TMEM131L: variants seen among roughly 807,000 people sequenced by gnomAD.
TMEM131L encodes the protein transmembrane protein 131-like.
TMEM131L carries 54 observed loss-of-function variants against 192.2 expected under a neutral mutation model. That is an observed-to-expected ratio of 0.28 (90% CI 0.23 to 0.35). TMEM131L has a LOEUF of 0.35. TMEM131L is among the 10% of genes least tolerant of loss of function. The pLI is 1.00. For missense variants in TMEM131L, 1,888 were observed against 1,972.9 expected, an observed-to-expected ratio of 0.96 and a Z score of 0.82; for synonymous variants, 701 against 704.9, an observed-to-expected ratio of 0.99 and a Z score of 0.09.
chr4:153,565,175 T>C (rs1438476896), intron 7 of TMEM131L, among the ~76,000 whole-genome samples: 1 of 152,212 alleles, frequency 6.6e-6, no homozygotes, highest in Non-Finnish European at 1.5e-5. Context: ...TGCTCTTCCA[T>C]GAAGCTCTGC....
Position 153,497,626 on chromosome 4 carries a change from G to A in TMEM131L, c.239+23738G>A, listed in dbSNP as rs150533232. On this transcript the variant is annotated intron_variant, in intron 3 of 34. Transcript: ENST00000409959. The stretch of plus-strand genomic sequence containing the variant: ...TTGTAGTCTGCATTTCAGGTAAAGC[G>A]TTTTCCATGTTGGAGGTCAAATCCC... 9.9e-5 allele frequency among the ~76,000 whole-genome samples: 15 copies of A among 152,180 alleles called. No individual in the cohort carries two copies. In the East Asian group the frequency reaches 2.5e-3, roughly 25 times the overall value.
intron 25 of TMEM131L, among the ~76,000 whole-genome samples, chr4:153,604,902 AC>A (rs1323527106): frequency 2.6e-5 from 4 of 152,086 alleles, no homozygotes; most frequent in Non-Finnish European, 5.9e-5. Flanking sequence ...ACGAAGTTTC[AC>A]CATGTTGGCC....
chr4:153,612,789 G>C (rs1301543223), intron 26 of TMEM131L, among the ~76,000 whole-genome samples: 1 of 151,980 alleles, frequency 6.6e-6, no homozygotes, highest in African/African-American at 2.4e-5. Flanking sequence ...ATCGTCTTCT[G>C]TCTAAAAGAT....
chr4:153,633,978 C>T (rs1268955814), intron 32 of TMEM131L, among the ~76,000 whole-genome samples: 2 of 152,196 alleles, frequency 1.3e-5, no homozygotes, highest in African/African-American at 4.8e-5. Context: ...CAAGTGTGCT[C>T]CTAGTCCAGC....
intron 2 of TMEM131L, among the ~76,000 whole-genome samples, chr4:153,469,865 A>T (rs1731028976): frequency 6.6e-6 from 1 of 152,060 alleles, no homozygotes; most frequent in South Asian, 2.1e-4. Context: ...GGCGGAGGTT[A>T]CAGTGAGCTG....
In TMEM131L at chr4:153,468,980, GAGCGTT is replaced by G. The variant is rs568936383; in HGVS notation, c.195+1702_195+1707del. 3.5e-4 allele frequency among the ~76,000 whole-genome samples: 54 copies of G among 152,314 alleles called. No individual in the cohort carries two copies. The East Asian group carries it at 8.9e-3, about 25-fold the overall frequency. ...TAGTAGTATATACTCTCATTTGTTA[GAGCGTT>G]AGTTGAAGATTTAGTAGGTGTGCTC... On this transcript the variant is annotated intron_variant, in intron 2 of 34. Transcript: ENST00000409959.
intron 3 of TMEM131L, among the ~76,000 whole-genome samples, chr4:153,526,080 AT>A (rs1247712765): frequency 6.6e-6 from 1 of 150,808 alleles, no homozygotes; most frequent in African/African-American, 2.4e-5. Context: ...GATGGTCTTG[AT>A]CTCTTGATCT....
rs183488276 is a variant in TMEM131L at position 153,604,236 on chromosome 4, G to A, written c.3224G>A (p.Ser1075Asn). Residue 1075 changes from serine (S) to asparagine (N), a missense_variant, in exon 25 of 35, where the codon AGT (serine) becomes AAT (asparagine). By Grantham distance (46) the Ser-to-Asn change is conservative. Transcript: ENST00000409959. ...TTCAGTAATCCTTCTTCAGAATGTAGTATGAAGGAGGGAATACAGACATGT... is the reference window on the plus strand; with the variant it reads ...TTCAGTAATCCTTCTTCAGAATGTAATATGAAGGAGGGAATACAGACATGT... ...IVFSNPSSEC[S>N]MKEGIQTCMF... 1.4e-5 allele frequency: 22 copies of A among 1,613,730 alleles called. No homozygotes were observed. The highest frequency in any genetic ancestry group is 1.6e-4 in the Middle Eastern group (1 of 6,062).
chr4:153,519,153 C>T lies in TMEM131L; in HGVS notation c.240-30920C>T, dbSNP rs191910807. On this transcript the variant is annotated intron_variant, in intron 3 of 34. Coordinates refer to ENST00000409959, the MANE Select transcript of TMEM131L (RefSeq NM_001131007.2). ...GAGAAGTCTTATGAGCATTGTAGAC[C>T]TGCTGGTGAGCTAGGGGGTGTAGGC... 7.2e-5 allele frequency among the ~76,000 whole-genome samples: 11 copies of T among 152,272 alleles called. No homozygotes were observed. The East Asian group carries it at 2.1e-3, about 29-fold the overall frequency.
chr4:153,632,564 A>G (rs1043764927), intron 31 of TMEM131L, 154 bp from the exon 32 acceptor site: 2 of 783,064 alleles, frequency 2.6e-6, no homozygotes, highest in Non-Finnish European at 4.0e-6. Context: ...GCTGTATTTC[A>G]GAATTATATC....
In TMEM131L at chr4:153,555,935, A is replaced by G; in HGVS notation, c.432+25A>G. On this transcript the variant is annotated intron_variant, in intron 5 of 34. Transcript: ENST00000409959. The surrounding 1 kb of genome is among the most constrained non-coding windows in gnomAD (Gnocchi z 4.1). The stretch of plus-strand genomic sequence containing the variant: ...GGTGGGTGTTGATGGACTCCTGGAA[A>G]CTATGCCGTGGCAGGCAGCCAGGTT... 1 of 1,546,684 alleles carries G rather than the reference A, an allele frequency of 6.5e-7. No homozygotes were observed.
In TMEM131L at chr4:153,582,497, T is replaced by C. The variant is rs941152642; in HGVS notation, c.893-693T>C. Among the ~76,000 whole-genome samples the C allele has an allele frequency of 9.7e-5, 14 of 144,726 alleles. No homozygotes were observed. The South Asian group carries it at 3.2e-3, about 34-fold the overall frequency. 94.9% of individuals were successfully genotyped at this position (144,726 alleles called of 152,430 possible). ...TCTCCCTGTGTTGCTCAGGATGGTC[T>C]TGAACTCCTGGGCTCAAGCATTCCT... On this transcript the variant is annotated intron_variant, in intron 9 of 34. Transcript: ENST00000409959.
chr4:153,621,406 A>G (rs1237295538), intron 27 of TMEM131L, among the ~76,000 whole-genome samples: 1 of 152,196 alleles, frequency 6.6e-6, no homozygotes, highest in Non-Finnish European at 1.5e-5. Context: ...TGGTTTGACA[A>G]GCTGGTAAGG....
At chr4:153,550,169 C>A in intron 4 of TMEM131L, 28 bp downstream of exon 4, 1 of 961,848 alleles carries the variant, frequency 1.0e-6, no homozygotes, top group Non-Finnish European at 1.5e-6. Context: ...ATAATTAAAA[C>A]TCATTTTATT....
chr4:153,548,409 A>C (rs766684935), intron 3 of TMEM131L, among the ~76,000 whole-genome samples: 1 of 152,008 alleles, frequency 6.6e-6, no homozygotes, highest in Non-Finnish European at 1.5e-5. Flanking sequence ...GGTTCATGCT[A>C]TTCTCCTGCC....
At chr4:153,581,339 C>T in intron 8 of TMEM131L, 68 bp from the exon 9 acceptor site, 1 of 1,307,060 alleles carries the variant, frequency 7.7e-7, no homozygotes, top group Non-Finnish European at 1.0e-6. Flanking sequence ...CTCCTTTCCT[C>T]CATAGTTTGA....
At chr4:153,560,712 A>G (rs1728791798) in intron 7 of TMEM131L, among the ~76,000 whole-genome samples, 1 of 152,202 alleles carries the variant, frequency 6.6e-6, no homozygotes, top group Admixed American at 6.5e-5. Context: ...GCATGTTTTC[A>G]GTTTCATCCA....
chr4:153,466,551 C>T, intron 1 of TMEM131L, 30 bp downstream of exon 1: 1 of 1,291,606 alleles, frequency 7.7e-7, no homozygotes, highest in South Asian at 2.3e-5. Flanking sequence ...GCTCGCTCTG[C>T]CTCTCCACCC....
intron 19 of TMEM131L, among the ~76,000 whole-genome samples, 196 bp downstream of exon 19, chr4:153,594,067 C>G (rs534992494): frequency 5.3e-5 from 8 of 152,054 alleles, no homozygotes; most frequent in Non-Finnish European, 1.0e-4. Flanking sequence ...TATGTTAGCT[C>G]TAAATCATTT....
Sources: allele counts gnomAD v4.1 joint callset (sites outside exome capture counted in the v4.1 genomes callset), GRCh38; gene constraint gnomAD v4.1.1; non-coding constraint Gnocchi (gnomAD v3.1); transcripts MANE v1.5; gene names NCBI Gene and HGNC (gene_info 2026-07-23, HGNC 2026-07-21).